The following MECOM variants were observed in gnomAD, a reference collection of about 807,000 sequenced individuals.
MECOM encodes the protein histone-lysine N-methyltransferase MECOM.
A neutral mutation model predicts 116.3 loss-of-function variants in MECOM; 13 were observed. The observed-to-expected ratio is 0.11, with a 90% CI of 0.07 to 0.18. The LOEUF (loss-of-function observed/expected upper bound fraction) is 0.18. Ranked by LOEUF, MECOM falls within the 10% of genes least tolerant of loss-of-function variation. MECOM has a pLI of 1.00. For missense variants in MECOM, 1,299 were observed against 1,509.0 expected (o/e 0.86, Z 2.31); for synonymous variants, 528 against 535.2 (o/e 0.99, Z 0.19).
chr3:169,499,393 A>G (rs9637453), intron 1 of MECOM, among the ~76,000 whole-genome samples: 7,042 of 150,142 alleles, frequency 0.047, 403 homozygotes, highest in East Asian at 0.31. Context: ...AGAATAAGAG[A>G]AGAACTGTTC....
chr3:169,197,731 G>T (rs773422952), intron 2 of MECOM, among the ~76,000 whole-genome samples: 4 of 151,954 alleles, frequency 2.6e-5, no homozygotes, highest in African/African-American at 9.7e-5. Context: ...GCAAACTGAG[G>T]TTTGTGAAGT....
intron 2 of MECOM, among the ~76,000 whole-genome samples, chr3:169,280,836 CTG>C (rs1459388224): frequency 6.6e-6 from 1 of 152,146 alleles, no homozygotes; most frequent in African/African-American, 2.4e-5. Context: ...CAATCTGGGG[CTG>C]TTGTGATGGC....
intron 1 of MECOM, chr3:169,389,663 C>T: frequency 1.2e-6 from 1 of 860,024 alleles, no homozygotes; most frequent in African/African-American, 1.8e-5. Flanking sequence ...CATGCTGCAG[C>T]AGACTGGGTG....
At chr3:169,595,786 G>T (rs908444539) in intron 1 of MECOM, among the ~76,000 whole-genome samples, 2 of 152,098 alleles carry the variant, frequency 1.3e-5, no homozygotes, top group South Asian at 2.1e-4. Flanking sequence ...TATAGGATAC[G>T]TATACTGTGG....
intron 1 of MECOM, among the ~76,000 whole-genome samples, chr3:169,537,731 A>C (rs968930920): frequency 6.6e-6 from 1 of 152,028 alleles, no homozygotes; most frequent in Non-Finnish European, 1.5e-5. Context: ...AAAAAAAAAA[A>C]AACTTACCCA....
At chr3:169,634,192 T>C (rs1469822933) in intron 1 of MECOM, among the ~76,000 whole-genome samples, 1 of 151,982 alleles carries the variant, frequency 6.6e-6, no homozygotes, top group East Asian at 1.9e-4. Flanking sequence ...AAGCTAAATA[T>C]TCCCAAGTCT....
intron 2 of MECOM, among the ~76,000 whole-genome samples, chr3:169,208,760 T>C (rs1384755049): frequency 2.0e-5 from 3 of 152,030 alleles, no homozygotes; most frequent in Non-Finnish European, 4.4e-5. Flanking sequence ...AAAATGGCCA[T>C]ACTGCCCAAA....
chr3:169,193,794 T>C (rs964777885), intron 2 of MECOM, among the ~76,000 whole-genome samples: 4 of 152,058 alleles, frequency 2.6e-5, no homozygotes. Flanking sequence ...ATTTAAGTTA[T>C]AGCTATATAA....
chr3:169,190,875 C>T (rs1041334086), intron 2 of MECOM, among the ~76,000 whole-genome samples: 1 of 152,018 alleles, frequency 6.6e-6, no homozygotes, highest in Non-Finnish European at 1.5e-5. Flanking sequence ...CAAATGACTA[C>T]TCAGGCAGTT....
chr3:169,362,463 A>G (rs1263607943), intron 2 of MECOM, among the ~76,000 whole-genome samples: 1 of 151,920 alleles, frequency 6.6e-6, no homozygotes, highest in African/African-American at 2.4e-5. Flanking sequence ...ATTCCAGTGT[A>G]TCACACAGCC....
At chr3:169,246,023 T>C (rs1304714793) in intron 2 of MECOM, among the ~76,000 whole-genome samples, 1 of 152,214 alleles carries the variant, frequency 6.6e-6, no homozygotes, top group East Asian at 1.9e-4. Context: ...TTCTTAGATA[T>C]TGACCCTGAT....
chr3:169,327,434 T>C (rs1453073026), intron 2 of MECOM, among the ~76,000 whole-genome samples: 1 of 152,036 alleles, frequency 6.6e-6, no homozygotes, highest in Admixed American at 6.5e-5. Flanking sequence ...GGTGAGGAGT[T>C]CGAGACCAGC....
chr3:169,327,432 G>T (rs373650134), intron 2 of MECOM, among the ~76,000 whole-genome samples: 3 of 152,122 alleles, frequency 2.0e-5, no homozygotes, highest in East Asian at 3.9e-4. Flanking sequence ...AAGGTGAGGA[G>T]TTCGAGACCA....
chr3:169,205,549 AC>A (rs1308623728), intron 2 of MECOM, among the ~76,000 whole-genome samples: 28 of 152,206 alleles, frequency 1.8e-4, no homozygotes, highest in Non-Finnish European at 1.3e-4. Context: ...AATACAGTGT[AC>A]TAGCCAGAGT....
At chr3:169,571,954 C>T (rs1403615871) in intron 1 of MECOM, among the ~76,000 whole-genome samples, 2 of 152,158 alleles carry the variant, frequency 1.3e-5, no homozygotes, top group Non-Finnish European at 2.9e-5. Context: ...ACTAAAACAT[C>T]AAAAGTAATG....
intron 1 of MECOM, among the ~76,000 whole-genome samples, chr3:169,623,616 G>A (rs1771006843): frequency 6.6e-6 from 1 of 152,022 alleles, no homozygotes; most frequent in South Asian, 2.1e-4. Context: ...TTTATCTGGA[G>A]GATTGTGGTT....
At chr3:169,551,900 G>A (rs1473106319) in intron 1 of MECOM, among the ~76,000 whole-genome samples, 1 of 152,150 alleles carries the variant, frequency 6.6e-6, no homozygotes, top group Admixed American at 6.5e-5. Flanking sequence ...TCTGACACAT[G>A]CTGCAATATG....
chr3:169,317,392 A>G (rs1456415114), intron 2 of MECOM, among the ~76,000 whole-genome samples: 3 of 152,186 alleles, frequency 2.0e-5, no homozygotes, highest in Non-Finnish European at 2.9e-5. Flanking sequence ...CTTGAAAAAA[A>G]AATCCTTTTG....
chr3:169,484,583 C>G (rs1051104921), intron 1 of MECOM, among the ~76,000 whole-genome samples: 2 of 152,050 alleles, frequency 1.3e-5, no homozygotes. Flanking sequence ...ATAAACACCT[C>G]AAAGAAATTT....
Sources: gnomAD v4.1 joint callset for allele counts (sites outside exome capture counted in the v4.1 genomes callset) on GRCh38, gnomAD v4.1.1 for gene constraint, MANE v1.5 for transcripts, NCBI Gene and HGNC (gene_info 2026-07-23, HGNC 2026-07-21) for gene names.